TFCP2: variants seen among roughly 807,000 people sequenced by gnomAD.
TFCP2 encodes the protein transcription factor CP2.
A neutral mutation model predicts 73.4 loss-of-function variants in TFCP2; 33 were observed. That is an observed-to-expected ratio of 0.45 (90% confidence interval 0.34 to 0.60). The LOEUF (loss-of-function observed/expected upper bound fraction) is 0.60. Ranked by LOEUF, TFCP2 falls within the 20% of genes least tolerant of loss-of-function variation. TFCP2 has a pLI of 0.01. For synonymous variants in TFCP2, 193 were observed against 211.6 expected (o/e 0.91, Z 0.76); for missense variants, 352 against 604.0 (o/e 0.58, Z 4.37).
intron 1 of TFCP2, among the ~76,000 whole-genome samples, chr12:51,152,719 T>C (rs1484993136): frequency 1.3e-5 from 2 of 152,216 alleles, no homozygotes; most frequent in African/African-American, 4.8e-5. Flanking sequence ...GGTGAAAGGT[T>C]TTCACAAATT....
At chr12:51,097,546 A>G (rs1365473765) in intron 13 of TFCP2, among the ~76,000 whole-genome samples, 1 of 152,130 alleles carries the variant, frequency 6.6e-6, no homozygotes, top group Non-Finnish European at 1.5e-5. Context: ...GCGCCTGGGC[A>G]GCCTTCTTAA....
intron 1 of TFCP2, among the ~76,000 whole-genome samples, chr12:51,127,656 G>A (rs1201482963): frequency 2.6e-5 from 4 of 152,078 alleles, no homozygotes; most frequent in Non-Finnish European, 4.4e-5. Context: ...TATCTTTTCT[G>A]TCAAGAAAAA....
chr12:51,103,793 C>G, intron 9 of TFCP2, 30 bp from the exon 10 acceptor site: 1 of 1,564,904 alleles, frequency 6.4e-7, no homozygotes, highest in Non-Finnish European at 8.8e-7. Flanking sequence ...TTTTAGATAA[C>G]CAAATAGATT....
At chr12:51,147,657 G>T (rs919800632) in intron 1 of TFCP2, among the ~76,000 whole-genome samples, 1 of 152,212 alleles carries the variant, frequency 6.6e-6, no homozygotes, top group Admixed American at 6.5e-5. Context: ...GTAGAGCAAA[G>T]ACTTAAATCT....
intron 6 of TFCP2, among the ~76,000 whole-genome samples, chr12:51,108,535 A>T (rs1940314210): frequency 6.6e-6 from 1 of 152,168 alleles, no homozygotes; most frequent in Non-Finnish European, 1.5e-5. Context: ...GTACTTTGGG[A>T]GGCCAAGGAG....
At chr12:51,166,678 C>T (rs1026689162) in intron 1 of TFCP2, among the ~76,000 whole-genome samples, 1 of 152,132 alleles carries the variant, frequency 6.6e-6, no homozygotes, top group Non-Finnish European at 1.5e-5. Context: ...CCTTGATTAC[C>T]TCACCTTTCC....
chr12:51,107,661 C>T (rs950991378), intron 6 of TFCP2, among the ~76,000 whole-genome samples: 8 of 151,794 alleles, frequency 5.3e-5, no homozygotes, highest in African/African-American at 1.2e-4. Flanking sequence ...AGCTGGAATG[C>T]GGTGGCGAGA....
chr12:51,115,659 A>C (rs1399520702), intron 4 of TFCP2, among the ~76,000 whole-genome samples: 1 of 152,244 alleles, frequency 6.6e-6, no homozygotes. Context: ...AGTGCCTATC[A>C]TGGGATGAAT....
rs1276335598 is a variant in TFCP2 at position 51,132,355 on chromosome 12, G to GTATTTTT, written c.123-13584_123-13583insAAAAATA. ...TGTGCAAGTTCTGGTTTAGGGATTA[G>GTATTTTT]TCTTTTTTTTTTTTTTTTTTTTTTT... On this transcript the variant is annotated intron_variant, in intron 1 of 14. Transcript: ENST00000257915. Among the ~76,000 whole-genome samples, 3 of 21,466 alleles carry GTATTTTT rather than the reference G, an allele frequency of 1.4e-4. 1 individual carries two copies. The highest frequency in any genetic ancestry group is 1.2e-4 in the Non-Finnish European group (1 of 8,660). 14.1% of individuals were successfully genotyped at this position (21,466 alleles called of 152,430 possible).
intron 1 of TFCP2, among the ~76,000 whole-genome samples, chr12:51,168,853 G>C (rs963663224): frequency 1.3e-5 from 2 of 151,734 alleles, no homozygotes; most frequent in East Asian, 2.0e-4. Context: ...CCAGGCTGTA[G>C]TGCAGTGGCA....
chr12:51,150,745 A>G (rs1329974514), intron 1 of TFCP2, among the ~76,000 whole-genome samples: 1 of 152,266 alleles, frequency 6.6e-6, no homozygotes, highest in Non-Finnish European at 1.5e-5. Flanking sequence ...TTAGGTCTCA[A>G]TGAAGAGAGA....
In TFCP2 at chr12:51,105,002, G is replaced by A. The variant is rs560175204; in HGVS notation, c.918-799C>T. Among the ~76,000 whole-genome samples the A allele has an allele frequency of 1.3e-3, 203 of 151,508 alleles. 1 individual carries two copies. Among genetic ancestry groups the A allele is most frequent in the Non-Finnish European group, 1.9e-3 (126 of 67,894 alleles). On this transcript the variant is annotated intron_variant, in intron 8 of 14. Coordinates refer to ENST00000257915, the MANE Select transcript of TFCP2 (RefSeq NM_005653.5). Reference sequence around the variant, plus strand: ...GCTGGGATTACAGGCGTGAGCCACCGCGCCCGGCAAAAAAAATTATTTTTA... The same window carrying A: ...GCTGGGATTACAGGCGTGAGCCACCACGCCCGGCAAAAAAAATTATTTTTA...
intron 1 of TFCP2, among the ~76,000 whole-genome samples, chr12:51,163,930 T>G (rs933292558): frequency 6.6e-6 from 1 of 151,884 alleles, no homozygotes; most frequent in Non-Finnish European, 1.5e-5. Flanking sequence ...ATAAGGCAGG[T>G]GCAGTACCTC....
chr12:51,166,179 G>A (rs1054797481), intron 1 of TFCP2, among the ~76,000 whole-genome samples: 1 of 151,804 alleles, frequency 6.6e-6, no homozygotes, highest in African/African-American at 2.4e-5. Flanking sequence ...GCTGGGTGTG[G>A]TGGTATGTGC....
chr12:51,162,927 A>C (rs1241896705), intron 1 of TFCP2: 25 of 152,206 alleles, frequency 1.6e-4, no homozygotes, highest in Admixed American at 1.6e-3. Context: ...CACATATACT[A>C]AAGTTGGAAT....
At chr12:51,163,115 C>T (rs1941683187) in intron 1 of TFCP2, 1 of 152,052 alleles carries the variant, frequency 6.6e-6, no homozygotes, top group African/African-American at 2.4e-5. Context: ...GCCTGAGCAA[C>T]ATGATGAAAC....
At chr12:51,117,569 A>C in intron 3 of TFCP2, 102 bp downstream of exon 3, 1 of 846,384 alleles carries the variant, frequency 1.2e-6, no homozygotes, top group South Asian at 1.6e-5. Flanking sequence ...AGATACCATT[A>C]AGCCATTGGA....
intron 1 of TFCP2, among the ~76,000 whole-genome samples, chr12:51,144,953 C>G (rs1592825513): frequency 6.6e-6 from 1 of 152,136 alleles, no homozygotes; most frequent in Non-Finnish European, 1.5e-5. Context: ...ATAATCCCAA[C>G]GTTTTGGGAG....
intron 1 of TFCP2, among the ~76,000 whole-genome samples, chr12:51,128,596 GTA>G (rs1940868313): frequency 6.6e-6 from 1 of 152,012 alleles, no homozygotes; most frequent in South Asian, 2.1e-4. Context: ...CATAAATATA[GTA>G]TCTGGATTTC....
Sources: gnomAD v4.1 joint callset for allele counts (sites outside exome capture counted in the v4.1 genomes callset) on GRCh38, gnomAD v4.1.1 for gene constraint, MANE v1.5 for transcripts, NCBI Gene and HGNC (gene_info 2026-07-23, HGNC 2026-07-21) for gene names.